SGCD: variants seen among roughly 807,000 people sequenced by gnomAD.
SGCD encodes the protein delta-sarcoglycan.
SGCD carries 18 observed loss-of-function variants against 36.6 expected under a neutral mutation model. The ratio of observed to expected loss-of-function variants is 0.49; its 90% CI spans 0.34 to 0.73. The LOEUF is 0.73. Among genes scored for constraint, SGCD ranks in the 30% least tolerant of loss-of-function variants. The pLI, the probability that SGCD is intolerant of heterozygous loss-of-function variation, is 0.01. For missense variants in SGCD, 387 were observed against 346.7 expected, an observed-to-expected ratio of 1.12 and a Z score of -0.92; for synonymous variants, 133 against 130.6, an observed-to-expected ratio of 1.02 and a Z score of -0.12.
intron 1 of SGCD, among the ~76,000 whole-genome samples, chr5:156,000,674 G>A (rs1758645063): frequency 1.3e-5 from 2 of 151,928 alleles, no homozygotes; most frequent in East Asian, 1.9e-4. Context: ...CCCCACCCCA[G>A]GGCAGAAGCC....
intron 3 of SGCD, among the ~76,000 whole-genome samples, chr5:156,350,165 A>G (rs1769165327): frequency 6.6e-6 from 1 of 150,782 alleles, no homozygotes; most frequent in African/African-American, 2.4e-5. Context: ...TGGGTACACT[A>G]AAATTCCAGA....
At chr5:156,094,055 C>A (rs1761316731) in intron 1 of SGCD, among the ~76,000 whole-genome samples, 4 of 152,168 alleles carry the variant, frequency 2.6e-5, no homozygotes, top group Admixed American at 2.6e-4. Flanking sequence ...AGAGGGAGAC[C>A]ATTCCAGTTC....
intron 3 of SGCD, among the ~76,000 whole-genome samples, chr5:156,251,175 C>T (rs2033208): frequency 0.4 from 61,233 of 151,966 alleles, 12,539 homozygotes; most frequent in South Asian, 0.47. Context: ...TTTTTGTGTA[C>T]AGTTTTTACT....
chr5:155,906,273 C>T (rs1274301010), intron 1 of SGCD, among the ~76,000 whole-genome samples: 1 of 152,098 alleles, frequency 6.6e-6, no homozygotes, highest in Non-Finnish European at 1.5e-5. Flanking sequence ...TCTTCTTGAG[C>T]TTCCCTATTC....
At chr5:156,117,607 A>T (rs951285025) in intron 1 of SGCD, among the ~76,000 whole-genome samples, 8 of 152,114 alleles carry the variant, frequency 5.3e-5, no homozygotes, top group Non-Finnish European at 1.2e-4. Context: ...ATGCTATTCT[A>T]AGTGCTTTAA....
chr5:155,888,937 C>G (rs1756065940), intron 1 of SGCD, among the ~76,000 whole-genome samples: 1 of 152,234 alleles, frequency 6.6e-6, no homozygotes. Context: ...TTGGCCTCCA[C>G]TCTCCTCATC....
At chr5:156,142,352 C>G (rs937814120) in intron 3 of SGCD, among the ~76,000 whole-genome samples, 12 of 152,084 alleles carry the variant, frequency 7.9e-5, no homozygotes, top group Non-Finnish European at 1.5e-4. Context: ...TGAGAACAGA[C>G]TAATACAGAA....
At chr5:156,206,577 A>G (rs1246933874) in intron 3 of SGCD, among the ~76,000 whole-genome samples, 1 of 152,098 alleles carries the variant, frequency 6.6e-6, no homozygotes, top group African/African-American at 2.4e-5. Flanking sequence ...AAACTTTATT[A>G]TTAATTAATA....
chr5:155,912,335 T>G (rs1756647003), intron 1 of SGCD, among the ~76,000 whole-genome samples: 1 of 152,110 alleles, frequency 6.6e-6, no homozygotes, highest in Non-Finnish European at 1.5e-5. Flanking sequence ...TTCATTAGCT[T>G]TTGTTCACCT....
At chr5:156,028,797 A>C (rs1759278779) in intron 1 of SGCD, among the ~76,000 whole-genome samples, 1 of 152,208 alleles carries the variant, frequency 6.6e-6, no homozygotes, top group Non-Finnish European at 1.5e-5. Context: ...ACAATTTAAT[A>C]ATCGTCTTTC....
intron 3 of SGCD, among the ~76,000 whole-genome samples, chr5:156,467,961 A>G (rs1754787358): frequency 6.6e-6 from 1 of 152,244 alleles, no homozygotes; most frequent in Non-Finnish European, 1.5e-5. Context: ...CATAGCCTGT[A>G]GAAGTAAATT....
intron 3 of SGCD, among the ~76,000 whole-genome samples, chr5:156,390,002 A>G (rs1444640836): frequency 6.6e-6 from 1 of 152,148 alleles, no homozygotes; most frequent in African/African-American, 2.4e-5. Context: ...TGGTGATGTC[A>G]TAGTCGTCGT....
At chr5:156,185,916 G>A (rs76925484) in intron 3 of SGCD, among the ~76,000 whole-genome samples, 1,165 of 103,174 alleles carry the variant, frequency 0.011, 21 homozygotes, top group Middle Eastern at 0.031. Flanking sequence ...TTTCTTTACT[G>A]TGTTCATAAT....
chr5:156,425,390 C>A (rs555505743), intron 3 of SGCD, among the ~76,000 whole-genome samples: 2 of 152,030 alleles, frequency 1.3e-5, no homozygotes, highest in Non-Finnish European at 2.9e-5. Flanking sequence ...ATTAAACACA[C>A]AAAATTTAAT....
intron 3 of SGCD, among the ~76,000 whole-genome samples, chr5:156,467,777 G>T (rs1008837427): frequency 6.6e-6 from 1 of 152,216 alleles, no homozygotes; most frequent in South Asian, 2.1e-4. Flanking sequence ...AAAGAAGTGG[G>T]CATGAGCCCA....
At chr5:156,193,380 G>A (rs1299157253) in intron 3 of SGCD, among the ~76,000 whole-genome samples, 6 of 152,104 alleles carry the variant, frequency 3.9e-5, no homozygotes, top group African/African-American at 1.4e-4. Context: ...TTTTGTGCAA[G>A]TTTCTTTCTT....
intron 3 of SGCD, among the ~76,000 whole-genome samples, chr5:156,239,725 A>G (rs1394665942): frequency 2.0e-5 from 3 of 152,186 alleles, no homozygotes; most frequent in Non-Finnish European, 4.4e-5. Context: ...GAGTGTGAAG[A>G]AAGTATTTAT....
chr5:156,626,024 G>A (rs535861850), intron 6 of SGCD, among the ~76,000 whole-genome samples: 1 of 151,606 alleles, frequency 6.6e-6, no homozygotes, highest in South Asian at 2.1e-4. Flanking sequence ...AACATCTTTG[G>A]CACAATTTGG....
At chr5:156,070,356 G>A (rs1390436254) in intron 1 of SGCD, among the ~76,000 whole-genome samples, 1 of 151,604 alleles carries the variant, frequency 6.6e-6, no homozygotes, top group African/African-American at 2.4e-5. Context: ...GTTGAATTTT[G>A]TCAAAGGCCT....
Sources: allele counts gnomAD v4.1 joint callset (sites outside exome capture counted in the v4.1 genomes callset), GRCh38; gene constraint gnomAD v4.1.1; transcripts MANE v1.5; gene names NCBI Gene and HGNC (gene_info 2026-07-23, HGNC 2026-07-21).